XIRP2: variants seen among roughly 807,000 people sequenced by gnomAD.
The protein encoded by XIRP2 is xin actin binding repeat containing 2, also known as xin actin-binding repeat-containing protein 2.
A neutral mutation model predicts 277.0 loss-of-function variants in XIRP2; 236 were observed. That is an observed-to-expected ratio of 0.85 (90% CI 0.77 to 0.95). The LOEUF (loss-of-function observed/expected upper bound fraction) is 0.95, where lower values mean the gene tolerates loss of function less well. Among genes scored for constraint, XIRP2 ranks in the 40% least tolerant of loss-of-function variants. The pLI is 0.00. For missense variants in XIRP2, 4,640 were observed against 4,157.5 expected, an observed-to-expected ratio of 1.12 and a Z score of -3.19; for synonymous variants, 1,490 against 1,416.5, an observed-to-expected ratio of 1.05 and a Z score of -1.17.
At chr2:166,911,161 A>G (rs1490803527) in intron 2 of XIRP2, among the ~76,000 whole-genome samples, 1 of 152,052 alleles carries the variant, frequency 6.6e-6, no homozygotes, top group Non-Finnish European at 1.5e-5. Flanking sequence ...CAATTCCTGG[A>G]TATCTTTGTT....
At chr2:167,049,470 T>C in intron 2 of XIRP2, among the ~76,000 whole-genome samples, 1 of 151,654 alleles carries the variant, frequency 6.6e-6, no homozygotes, top group East Asian at 1.9e-4. Context: ...TCTGTTTGTT[T>C]CACAGATCTA....
In XIRP2 at chr2:167,049,917, C is replaced by T. The variant is rs756507825; in HGVS notation, c.409-85992C>T. On this transcript the variant is annotated intron_variant, in intron 2 of 10. Transcript: ENST00000409195. ...TTTAGTTTTAGTTTTGCTTTAGCTA[C>T]GGCTGCTATTTACAAGATAAAGAAT... is the stretch of plus-strand genomic sequence containing the variant. 2.0e-5 allele frequency among the ~76,000 whole-genome samples: 3 copies of T among 152,084 alleles called. No individual in the cohort carries two copies. The South Asian group carries it at 6.2e-4, about 32-fold the overall frequency.
At chr2:167,130,852 T>C (rs1246480489) in intron 2 of XIRP2, among the ~76,000 whole-genome samples, 1 of 152,090 alleles carries the variant, frequency 6.6e-6, no homozygotes, top group Non-Finnish European at 1.5e-5. Context: ...TACTTTCTCA[T>C]TGCCCAAACT....
Position 167,201,262 on chromosome 2 carries a change from G to GGAA in XIRP2, c.563-9473_563-9472insGAA, listed in dbSNP as rs1559018465. Among the ~76,000 whole-genome samples, 108 of 95,630 alleles carry GGAA rather than the reference G, an allele frequency of 1.1e-3. 2 individuals are homozygous for GGAA. The highest frequency in any genetic ancestry group is 6.8e-3 in the African/African-American group (89 of 13,116). The allele number at this position is 95,630 out of a possible 152,430, so 62.7% of individuals were successfully genotyped here. A position where few individuals can be genotyped will look rare whatever the true frequency, so the allele number is the denominator to read the frequency against. On this transcript the variant is annotated intron_variant, in intron 3 of 10. Transcript: ENST00000409195. ...AGAAAGAAAGAAAGAAAGAAAGAAA[G>GGAA]AGAGAGGGAGAAAGGAAAGAAGGAA... is the stretch of plus-strand genomic sequence containing the variant.
At chr2:166,898,017 T>C (rs545580644) in intron 1 of XIRP2, among the ~76,000 whole-genome samples, 8 of 152,164 alleles carry the variant, frequency 5.3e-5, no homozygotes, top group African/African-American at 1.9e-4. Flanking sequence ...CAGGCAGCTG[T>C]ATGGTTTGTT....
chr2:166,913,043 C>G (rs905789671), intron 2 of XIRP2, among the ~76,000 whole-genome samples: 1 of 152,196 alleles, frequency 6.6e-6, no homozygotes, highest in African/African-American at 2.4e-5. Context: ...TCAGGCTACT[C>G]AGGGGTCAGG....
At chr2:167,190,057 A>T (rs898206810) in intron 3 of XIRP2, among the ~76,000 whole-genome samples, 1 of 152,204 alleles carries the variant, frequency 6.6e-6, no homozygotes, top group Non-Finnish European at 1.5e-5. Flanking sequence ...TCAGGAACAG[A>T]CAGATGGAAG....
intron 2 of XIRP2, among the ~76,000 whole-genome samples, chr2:166,976,136 G>A (rs1686712306): frequency 6.6e-6 from 1 of 151,856 alleles, no homozygotes; most frequent in Non-Finnish European, 1.5e-5. Flanking sequence ...AAATATCCAG[G>A]TACCCCCAGT....
At chr2:167,200,497 C>T (rs1183720674) in intron 3 of XIRP2, among the ~76,000 whole-genome samples, 4 of 152,244 alleles carry the variant, frequency 2.6e-5, no homozygotes, top group African/African-American at 2.4e-5. Context: ...GAGTGATTTT[C>T]ATGAACTTTA....
intron 2 of XIRP2, among the ~76,000 whole-genome samples, chr2:167,012,702 T>G (rs1687715061): frequency 6.6e-6 from 1 of 151,528 alleles, no homozygotes; most frequent in Non-Finnish European, 1.5e-5. Context: ...CACAGATTCC[T>G]TCTTTCTTCA....
At chr2:167,221,604 TA>T (rs1162843204) in intron 5 of XIRP2, among the ~76,000 whole-genome samples, 1 of 152,094 alleles carries the variant, frequency 6.6e-6, no homozygotes, top group Non-Finnish European at 1.5e-5. Flanking sequence ...ATGTCTTAGA[TA>T]GTCCAACTTT....
chr2:167,209,849 A>G (rs996213196), intron 3 of XIRP2, among the ~76,000 whole-genome samples: 6 of 152,144 alleles, frequency 3.9e-5, no homozygotes, highest in African/African-American at 1.4e-4. Context: ...CTTTCACATA[A>G]GGAAACATTC....
intron 2 of XIRP2, among the ~76,000 whole-genome samples, chr2:167,101,406 T>C (rs903057068): frequency 3.9e-5 from 6 of 152,170 alleles, no homozygotes; most frequent in East Asian, 1.9e-4. Flanking sequence ...TGTGAGATTT[T>C]GGTGCACCCA....
chr2:167,175,152 C>G (rs760058037), intron 3 of XIRP2, among the ~76,000 whole-genome samples: 3 of 152,028 alleles, frequency 2.0e-5, no homozygotes, highest in Non-Finnish European at 4.4e-5. Flanking sequence ...CTTTCTGTCT[C>G]GTTGATCTGT....
At chr2:167,176,701 T>C (rs1185698746) in intron 3 of XIRP2, among the ~76,000 whole-genome samples, 2 of 152,180 alleles carry the variant, frequency 1.3e-5, no homozygotes, top group Non-Finnish European at 2.9e-5. Context: ...GTGGGGTAAG[T>C]CAATTTAGTC....
Position 167,243,209 on chromosome 2 carries a change from A to G in XIRP2, c.1817A>G (p.Gln606Arg), listed in dbSNP as rs1420857252. ...EGDISRGIAD[Q>R]EIIAGGDVKY... The stretch of plus-strand genomic sequence containing the variant: ...GATATTTCCAGGGGCATTGCTGATC[A>G]AGAAATCATTGCTGGTGGTGATGTG... The change falls in exon 9 of 11, where the codon CAA becomes CGA. Residue 606 changes from glutamine to arginine, a missense_variant. Coordinates refer to ENST00000409195, the MANE Select transcript of XIRP2 (RefSeq NM_152381.6). The G allele has an allele frequency of 6.2e-7, 1 of 1,614,022 alleles. No homozygotes were observed. Among genetic ancestry groups the G allele is most frequent in the African/African-American group, 1.3e-5 (1 of 74,934 alleles).
chr2:167,184,391 C>T (rs1229711675), intron 3 of XIRP2: 6 of 593,192 alleles, frequency 1.0e-5, no homozygotes, highest in South Asian at 2.2e-5. Context: ...TTTGTTTGGC[C>T]TTACGATTGT....
Position 167,244,788 on chromosome 2 carries a change from A to C in XIRP2, c.3396A>C (p.Glu1132Asp). 1 of 1,613,632 alleles carries C rather than the reference A, an allele frequency of 6.2e-7. No homozygotes were observed. Among genetic ancestry groups the C allele is most frequent in the Non-Finnish European group, 8.5e-7 (1 of 1,179,772 alleles). ...TCAAAACTTGTACTTGGCTCTTTGA[A>C]ACTCAGCCACTTGATACCATAAAAG... The part of the protein sequence containing the change: ...GDVKTCTWLF[E>D]TQPLDTIKDD... Residue 1132 changes from glutamate (E) to aspartate (D), a missense_variant, in exon 9 of 11, where the codon GAA becomes GAC. By Grantham distance (45) the Glu-to-Asp change is conservative. Coordinates refer to ENST00000409195, the MANE Select transcript of XIRP2 (RefSeq NM_152381.6).
chr2:167,215,105 A>T (rs1315015527), intron 4 of XIRP2, among the ~76,000 whole-genome samples: 2 of 152,282 alleles, frequency 1.3e-5, no homozygotes, highest in East Asian at 3.9e-4. Context: ...TCTATATATA[A>T]TTTATCCAGG....
Sources: gnomAD v4.1 joint callset for allele counts (sites outside exome capture counted in the v4.1 genomes callset) on GRCh38, gnomAD v4.1.1 for gene constraint, MANE v1.5 for transcripts, NCBI Gene and HGNC (gene_info 2026-07-23, HGNC 2026-07-21) for gene names.